LMTK2: variants seen among roughly 807,000 people sequenced by gnomAD.
LMTK2 encodes serine/threonine-protein kinase LMTK2.
LMTK2 carries 37 observed loss-of-function variants against 127.5 expected under a neutral mutation model. That is an observed-to-expected ratio of 0.29 (90% CI 0.22 to 0.38). The LOEUF (loss-of-function observed/expected upper bound fraction) is 0.38. Ranked by LOEUF, LMTK2 falls within the 10% of genes least tolerant of loss-of-function variation. The pLI, the probability that LMTK2 is intolerant of heterozygous loss-of-function variation, is 1.00. For missense variants in LMTK2, 1,694 were observed against 1,920.3 expected, an observed-to-expected ratio of 0.88 and a Z score of 2.20; for synonymous variants, 819 against 810.1, an observed-to-expected ratio of 1.01 and a Z score of -0.19.
Position 98,130,240 on chromosome 7 carries a change from G to A in LMTK2, c.104-7075G>A, listed in dbSNP as rs578019104. Among the ~76,000 whole-genome samples the A allele has an allele frequency of 2.0e-5, 3 of 152,244 alleles. No homozygotes were observed. The East Asian group carries it at 5.8e-4, about 29-fold the overall frequency. ...AAGTAGCCAGGCAACGTTGGATGCT[G>A]AAGCCTTATGAAGGAATTTTGCCAT... On this transcript the variant is annotated intron_variant, in intron 1 of 13. Coordinates refer to ENST00000297293, the MANE Select transcript of LMTK2 (RefSeq NM_014916.4).
intron 4 of LMTK2, among the ~76,000 whole-genome samples, chr7:98,151,990 A>T (rs891407297): frequency 6.6e-6 from 1 of 152,212 alleles, no homozygotes; most frequent in African/African-American, 2.4e-5. Flanking sequence ...TTTAAAAAAA[A>T]AGTATCTGAG....
intron 1 of LMTK2, among the ~76,000 whole-genome samples, chr7:98,129,624 C>G (rs1446208464): frequency 6.6e-6 from 1 of 152,092 alleles, no homozygotes; most frequent in African/African-American, 2.4e-5. Flanking sequence ...CCTCAGCCTC[C>G]CAAAGCACTG....
chr7:98,194,118 A>G lies in LMTK2; in HGVS notation c.3653A>G (p.Gln1218Arg), dbSNP rs1481038434. The G allele has an allele frequency of 1.9e-6, 3 of 1,613,996 alleles. No individual in the cohort carries two copies. The highest frequency in any genetic ancestry group is 2.2e-5 in the South Asian group (2 of 91,092). The change falls in exon 11 of 14, where the codon CAG becomes CGG. Residue 1218 changes from glutamine to arginine, a missense_variant. Gln to Arg is a conservative substitution (Grantham distance 43). Around this residue, in one of 8 missense-constraint regions of LMTK2, gnomAD observed 554 missense variants for 567.7 expected, o/e 0.98. Transcript: ENST00000297293. This position sits in a 1 kb window ranked among gnomAD's most constrained non-coding sequence, Gnocchi z 5.4. ...ELSSGDDFET[Q>R]DDRPCTLAST... ...AGCAGCGGCGATGACTTCGAGACACAGGACGATCGCCCCTGCACCCTCGCT... is the reference window on the plus strand; with the variant it reads ...AGCAGCGGCGATGACTTCGAGACACGGGACGATCGCCCCTGCACCCTCGCT...
At chr7:98,148,457 C>T (rs1308468318) in intron 3 of LMTK2, among the ~76,000 whole-genome samples, 2 of 148,706 alleles carry the variant, frequency 1.3e-5, no homozygotes, top group East Asian at 2.0e-4. Context: ...TGCTCCACTG[C>T]ACTCCAGCCT....
intron 3 of LMTK2, among the ~76,000 whole-genome samples, chr7:98,143,761 C>T (rs567725567): frequency 2.0e-5 from 3 of 152,248 alleles, no homozygotes; most frequent in East Asian, 1.9e-4. Context: ...GACTCTTGAT[C>T]GAGCAGTTCC....
At chr7:98,125,943 A>T (rs1796438715) in intron 1 of LMTK2, among the ~76,000 whole-genome samples, 1 of 152,160 alleles carries the variant, frequency 6.6e-6, no homozygotes, top group Non-Finnish European at 1.5e-5. Context: ...TTCAATATTC[A>T]ATAGTAGCAC....
chr7:98,205,093 T>C (rs1258019531), intron 13 of LMTK2, among the ~76,000 whole-genome samples: 13 of 152,218 alleles, frequency 8.5e-5, no homozygotes. Context: ...CATTTTTTGA[T>C]TGGAAGTTTA....
intron 7 of LMTK2, among the ~76,000 whole-genome samples, chr7:98,174,287 A>G (rs749541224): frequency 1.3e-4 from 20 of 152,136 alleles, no homozygotes; most frequent in Non-Finnish European, 1.9e-4. Context: ...AAAATAGAAC[A>G]ACCTACATGT....
chr7:98,193,441 G>C lies in LMTK2; in HGVS notation c.2976G>C (p.Pro992=), dbSNP rs755576900. 1.9e-6 allele frequency: 3 copies of C among 1,613,978 alleles called. No individual in the cohort carries two copies. Among genetic ancestry groups the C allele is most frequent in the Non-Finnish European group, 2.5e-6 (3 of 1,180,026 alleles). Residue 992 remains proline (P), a synonymous_variant, in exon 11 of 14, where the codon CCG becomes CCC. Transcript: ENST00000297293. The surrounding 1 kb of genome is among the most constrained non-coding windows in gnomAD (Gnocchi z 4.1). The stretch of plus-strand genomic sequence containing the variant: ...CAGCACCCTTCCCAGCCTCTGAGCC[G>C]TCCCTGGAAACCCCGGACTCTCTGG... ...SLSAPFPASE[P]SLETPDSLES...
chr7:98,156,321 CG>C (rs1796924381), intron 5 of LMTK2, among the ~76,000 whole-genome samples: 1 of 152,010 alleles, frequency 6.6e-6, no homozygotes, highest in Non-Finnish European at 1.5e-5. Context: ...AAAAATTAGT[CG>C]GGCGTGGTGT....
intron 1 of LMTK2, among the ~76,000 whole-genome samples, chr7:98,136,044 A>T (rs946129799): frequency 6.6e-6 from 1 of 151,942 alleles, no homozygotes; most frequent in Non-Finnish European, 1.5e-5. Context: ...TAGGGAAAAT[A>T]TGAGGAGCCT....
intron 7 of LMTK2, among the ~76,000 whole-genome samples, chr7:98,175,785 A>C (rs1797267832): frequency 6.6e-6 from 1 of 152,162 alleles, no homozygotes. Context: ...ACCCAAGAAG[A>C]GATGGAAAGA....
rs1440180458 is a variant in LMTK2, at chr7:98,141,434, C to T, written c.269C>T (p.Thr90Ile). Residue 90 changes from threonine to isoleucine, a missense_variant, in exon 3 of 14, where the codon ACA becomes ATA. By Grantham distance (89) the Thr-to-Ile change is moderately conservative. Around this residue, in one of 8 missense-constraint regions of LMTK2, gnomAD observed 203 missense variants for 226.2 expected, o/e 0.90. Coordinates refer to ENST00000297293, the MANE Select transcript of LMTK2 (RefSeq NM_014916.4). ...EDNFDDEIDF[T>I]PPAEDTPSVQ... ...AATTTTGATGATGAGATAGATTTCA[C>T]ACCACCAGCAGAAGACACTCCCTCT... is the stretch of plus-strand genomic sequence containing the variant. 1.2e-6 allele frequency: 2 copies of T among 1,613,710 alleles called. No individual in the cohort carries two copies.
Position 98,191,723 on chromosome 7 carries a change from G to T in LMTK2, c.1258G>T (p.Val420Phe). 6.2e-7 allele frequency: 1 copy of T among 1,614,208 alleles called. No homozygotes were observed. The highest frequency in any genetic ancestry group is 8.5e-7 in the Non-Finnish European group (1 of 1,180,040). Residue 420 changes from valine (V) to phenylalanine (F), a missense_variant, in exon 11 of 14, where the codon GTC becomes TTC. Val to Phe is a conservative substitution (Grantham distance 50). This residue lies in a region of LMTK2 where 216 missense variants were observed against 266.8 expected (regional missense o/e 0.81). Coordinates refer to ENST00000297293, the MANE Select transcript of LMTK2 (RefSeq NM_014916.4). The stretch of plus-strand genomic sequence containing the variant: ...GCTGCAGAGCCAGCGGGACTCAGAG[G>T]TCGACTTTGAACAGCAGTGGAACGC... The part of the protein sequence containing the change: ...LRLQSQRDSE[V>F]DFEQQWNALK...
intron 1 of LMTK2, among the ~76,000 whole-genome samples, chr7:98,126,106 A>G (rs1013597665): frequency 6.6e-6 from 1 of 152,214 alleles, no homozygotes; most frequent in African/African-American, 2.4e-5. Flanking sequence ...GATTTGAAAG[A>G]AAAAGTAGAC....
In LMTK2 at chr7:98,171,690, A is replaced by G. The variant is rs368523937; in HGVS notation, c.791+16A>G. ...TCCTGCACAGGTGGGTACCTGCGTCAGCGGTGCACGCCCCACACAGCACCG... is the reference window on the plus strand; with the variant it reads ...TCCTGCACAGGTGGGTACCTGCGTCGGCGGTGCACGCCCCACACAGCACCG... On this transcript the variant is annotated intron_variant, in intron 7 of 13. Coordinates refer to ENST00000297293, the MANE Select transcript of LMTK2 (RefSeq NM_014916.4). This position sits in a 1 kb window ranked among gnomAD's most constrained non-coding sequence, Gnocchi z 5.1. The G allele has an allele frequency of 6.4e-7, 1 of 1,558,008 alleles. No individual in the cohort carries two copies. The highest frequency in any genetic ancestry group is 8.7e-7 in the Non-Finnish European group (1 of 1,154,668).
Position 98,203,576 on chromosome 7 carries a change from G to C in LMTK2, c.4110G>C (p.Glu1370Asp). 1 of 1,584,070 alleles carries C rather than the reference G, an allele frequency of 6.3e-7. No homozygotes were observed. Among genetic ancestry groups the C allele is most frequent in the Non-Finnish European group, 8.5e-7 (1 of 1,170,988 alleles). ...GGAGTTTCTGTTTGACTTTTCAGGA[G>C]ACCCCAACCAAAGAGCTGGGGCCCT... is the stretch of plus-strand genomic sequence containing the variant. The part of the protein sequence containing the change: ...DDVTVYLFDQ[E>D]TPTKELGPCG... Residue 1370 changes from glutamate to aspartate, a missense_variant and splice_region_variant, in exon 12 of 14, where the codon GAG (glutamate) becomes GAC (aspartate). Physicochemically the swap from Glu to Asp is conservative, Grantham distance 45. Around this residue, in one of 8 missense-constraint regions of LMTK2, gnomAD observed 554 missense variants for 567.7 expected, o/e 0.98. Coordinates refer to ENST00000297293, the MANE Select transcript of LMTK2 (RefSeq NM_014916.4).
chr7:98,140,176 C>T (rs1386482208), intron 2 of LMTK2, among the ~76,000 whole-genome samples: 1,506 of 10,782 alleles, frequency 0.14, 410 homozygotes, highest in Middle Eastern at 0.62. Flanking sequence ...TCTTTTCTTT[C>T]TTTTCTTTCT....
In LMTK2 at chr7:98,137,301, A is replaced by C. The variant is rs767999902; in HGVS notation, c.104-14A>C. ...AATGTACATGTTTTTAATATTATTTATCTCTCTTTCCAGGGGAGGCGCCAC... is the reference window on the plus strand; with the variant it reads ...AATGTACATGTTTTTAATATTATTTCTCTCTCTTTCCAGGGGAGGCGCCAC... On this transcript the variant is annotated splice_polypyrimidine_tract_variant and intron_variant, in intron 1 of 13. Transcript: ENST00000297293. 3.1e-6 allele frequency: 5 copies of C among 1,595,812 alleles called. No homozygotes were observed. The highest frequency in any genetic ancestry group is 2.3e-5 in the South Asian group (2 of 87,446).
Sources: gnomAD v4.1 joint callset for allele counts (sites outside exome capture counted in the v4.1 genomes callset) on GRCh38, gnomAD v4.1.1 for gene constraint, gnomAD v4.1.1 regional missense constraint, Gnocchi (gnomAD v3.1) non-coding constraint, MANE v1.5 for transcripts, NCBI Gene and HGNC (gene_info 2026-07-23, HGNC 2026-07-21) for gene names.